DNAH12: variants seen among roughly 807,000 people sequenced by gnomAD.
DNAH12 encodes the protein dynein axonemal heavy chain 12, also known as axonemal beta dynein heavy chain 12.
Under a neutral mutation model 371.5 loss-of-function variants are expected in DNAH12, and 285 were observed. That is an observed-to-expected ratio of 0.77 (90% CI 0.70 to 0.85). DNAH12 has a LOEUF of 0.85. DNAH12 is among the 40% of genes least tolerant of loss of function. The pLI, the probability that DNAH12 is intolerant of heterozygous loss-of-function variation, is 0.00. For synonymous variants in DNAH12, 1,200 were observed against 1,213.0 expected (o/e 0.99, Z 0.22); for missense variants, 3,611 against 3,689.4 (o/e 0.98, Z 0.55).
chr3:57,504,304 CTA>C, intron 8 of DNAH12, 100 bp from the exon 9 acceptor site: 1 of 1,080,078 alleles, frequency 9.3e-7, no homozygotes. Flanking sequence ...TTATAATTGT[CTA>C]TAATTAAAAC....
Position 57,522,828 on chromosome 3 carries a change from GCAGT to G in DNAH12, c.279+751_279+754del, listed in dbSNP as rs981371017. Reference sequence around the variant, plus strand: ...TCATAAGTCCCCTGTTGCCACTCATGCAGTCAGTGTCTTTTTTTTTTTTAATCTC... The same window carrying G: ...TCATAAGTCCCCTGTTGCCACTCATGCAGTGTCTTTTTTTTTTTTAATCTC... On this transcript the variant is annotated intron_variant, in intron 4 of 73. Coordinates refer to ENST00000495027, the MANE Select transcript of DNAH12 (RefSeq NM_001366028.2). 1.3e-4 allele frequency among the ~76,000 whole-genome samples: 19 copies of G among 151,586 alleles called. 1 individual carries two copies. Among genetic ancestry groups the G allele is most frequent in the African/African-American group, 4.6e-4 (19 of 41,356 alleles).
chr3:57,534,237 T>A (rs2068948043), intron 2 of DNAH12, among the ~76,000 whole-genome samples: 1 of 152,140 alleles, frequency 6.6e-6, no homozygotes, highest in Non-Finnish European at 1.5e-5. Context: ...ACTGCTGGGA[T>A]TGGGGGTGAT....
At chr3:57,347,383 A>G (rs2062566557) in intron 60 of DNAH12, among the ~76,000 whole-genome samples, 1 of 152,170 alleles carries the variant, frequency 6.6e-6, no homozygotes, top group Admixed American at 6.6e-5. Flanking sequence ...CAAGAGAGTA[A>G]AGAAGTAAAA....
intron 30 of DNAH12, among the ~76,000 whole-genome samples, chr3:57,434,941 G>C (rs1034593557): frequency 6.6e-6 from 1 of 152,166 alleles, no homozygotes. Flanking sequence ...TTCTGGAATT[G>C]AATGTATCAA....
chr3:57,402,387 T>C (rs6445873), intron 43 of DNAH12: 668,421 of 1,304,226 alleles, frequency 0.51, 175,271 homozygotes, highest in East Asian at 0.6. Flanking sequence ...GCCCCAAGTA[T>C]GCACTCCACT....
chr3:57,501,396 C>A lies in DNAH12; in HGVS notation c.1260G>T (p.Trp420Cys), dbSNP rs775896835. ...TCTCAACTGCAGTCCCATCAAGGAG[C>A]CAATTATATTTTTCAACTGAAAATT... Reference protein sequence around the residue: ...HYETYVEKYNWLLDGTAVENI... With the variant: ...HYETYVEKYNCLLDGTAVENI... The change falls in exon 11 of 74, where the codon TGG (tryptophan) becomes TGT (cysteine). Residue 420 changes from tryptophan to cysteine, a missense_variant. By Grantham distance (215) the Trp-to-Cys change is radical. Around this residue, in one of 3 missense-constraint regions of DNAH12, gnomAD observed 1,314 missense variants for 1,398.7 expected, o/e 0.94. Transcript: ENST00000495027. 7.6e-6 allele frequency: 12 copies of A among 1,584,102 alleles called. No individual in the cohort carries two copies. Among genetic ancestry groups the A allele is most frequent in the East Asian group, 4.6e-5 (2 of 43,862 alleles).
chr3:57,427,137 A>AGTGTGTGTGTGTGTGTGTGTGT (rs1559646432), intron 34 of DNAH12, among the ~76,000 whole-genome samples: 1 of 70,518 alleles, frequency 1.4e-5, no homozygotes. Context: ...GTAAGAAGCG[A>AGTGTGTGTGTGTGTGTGTGTGT]ATGTGTGTGT....
chr3:57,320,913 A>G (rs191447006), intron 65 of DNAH12, among the ~76,000 whole-genome samples: 18 of 152,272 alleles, frequency 1.2e-4, no homozygotes, highest in Non-Finnish European at 2.6e-4. Flanking sequence ...AGCCTTACCT[A>G]TTACCACTGT....
In DNAH12 at chr3:57,339,393, AAAAG is replaced by A. The variant is rs200319709; in HGVS notation, c.9675-4457_9675-4454del. ...ATCAATAAATACTAAAAAAAAAAAA[AAAAG>A]AAAGAAAGTTGATCTCATGAGAAAG... is the stretch of plus-strand genomic sequence containing the variant. On this transcript the variant is annotated intron_variant, in intron 60 of 73. Coordinates refer to ENST00000495027, the MANE Select transcript of DNAH12 (RefSeq NM_001366028.2). 5.4e-3 allele frequency among the ~76,000 whole-genome samples: 825 copies of A among 151,922 alleles called. 26 individuals carry two copies. Among genetic ancestry groups the A allele is most frequent in the Admixed American group, 0.046 (691 of 15,170 alleles).
intron 56 of DNAH12, among the ~76,000 whole-genome samples, 154 bp downstream of exon 56, chr3:57,367,892 T>C (rs2063086025): frequency 6.6e-6 from 1 of 152,254 alleles, no homozygotes; most frequent in East Asian, 1.9e-4. Flanking sequence ...TCATTCCTGA[T>C]AGCTTGTTCC....
In DNAH12 at chr3:57,462,675, G is replaced by A. The variant is rs1288722091; in HGVS notation, c.2535+15C>T. On this transcript the variant is annotated intron_variant, in intron 18 of 73. Coordinates refer to ENST00000495027, the MANE Select transcript of DNAH12 (RefSeq NM_001366028.2). ...AGTCATCACATAAAGTATTTCAGTT[G>A]ATCTTTATGTTTACCTTGCTTGCAC... 7 of 1,541,084 alleles carry A rather than the reference G, an allele frequency of 4.5e-6. No homozygotes were observed. The South Asian group carries it at 6.1e-5, about 13-fold the overall frequency.
At chr3:57,483,277 T>C (rs2066812247) in intron 13 of DNAH12, 99 bp downstream of exon 13, 4 of 1,416,140 alleles carry the variant, frequency 2.8e-6, no homozygotes, top group Non-Finnish European at 3.8e-6. Context: ...CCGCTCAATT[T>C]ACAGCTATTT....
chr3:57,542,895 C>T lies in DNAH12; in HGVS notation c.-25G>A, dbSNP rs752310604. The T allele has an allele frequency of 1.3e-6, 2 of 1,539,056 alleles. No individual in the cohort carries two copies. The highest frequency in any genetic ancestry group is 2.6e-5 in the South Asian group (2 of 76,562). ...TCTTGATCCCCTAAAGATTAAAATACTCTGTACTCTGAGGAGAAAAAGTCC... is the reference window on the plus strand; with the variant it reads ...TCTTGATCCCCTAAAGATTAAAATATTCTGTACTCTGAGGAGAAAAAGTCC... On this transcript the variant is annotated 5_prime_UTR_variant, in exon 2 of 74. Coordinates refer to ENST00000495027, the MANE Select transcript of DNAH12 (RefSeq NM_001366028.2).
chr3:57,372,457 CTTATAT>C (rs1256104545), intron 55 of DNAH12, among the ~76,000 whole-genome samples: 14 of 151,564 alleles, frequency 9.2e-5, no homozygotes, highest in African/African-American at 2.7e-4. Flanking sequence ...GACTTTTTTT[CTTATAT>C]TTAATCACTC....
intron 34 of DNAH12, among the ~76,000 whole-genome samples, chr3:57,427,504 T>C (rs567014366): frequency 1.3e-5 from 2 of 151,932 alleles, no homozygotes; most frequent in Non-Finnish European, 2.9e-5. Context: ...CTGGCCAACA[T>C]GGAGAAACCA....
chr3:57,390,757 G>T (rs894982250), intron 45 of DNAH12, among the ~76,000 whole-genome samples: 1 of 141,068 alleles, frequency 7.1e-6, no homozygotes, highest in Non-Finnish European at 1.6e-5. Context: ...CAGCATGACT[G>T]AAATTGTTGC....
chr3:57,474,151 T>A (rs905802010), intron 13 of DNAH12, among the ~76,000 whole-genome samples: 1 of 152,106 alleles, frequency 6.6e-6, no homozygotes, highest in Non-Finnish European at 1.5e-5. Context: ...AAAGTAAAGT[T>A]TTGCAAATGT....
At chr3:57,343,076 G>GA (rs113412545) in intron 60 of DNAH12, among the ~76,000 whole-genome samples, 11,271 of 144,316 alleles carry the variant, frequency 0.078, 1,352 homozygotes, top group African/African-American at 0.26. Flanking sequence ...TGTCTCAAAA[G>GA]AAAAAAAAAA....
intron 2 of DNAH12, among the ~76,000 whole-genome samples, chr3:57,524,222 C>T (rs1422844474): frequency 6.6e-6 from 1 of 152,072 alleles, no homozygotes; most frequent in African/African-American, 2.4e-5. Flanking sequence ...CTCCCCGTAC[C>T]CCCATATTAA....
Sources: allele counts gnomAD v4.1 joint callset (sites outside exome capture counted in the v4.1 genomes callset), GRCh38; gene constraint gnomAD v4.1.1; regional missense constraint gnomAD v4.1.1; transcripts MANE v1.5; gene names NCBI Gene and HGNC (gene_info 2026-07-23, HGNC 2026-07-21).